Variants in ZNF81 observed in about 807,000 individuals in gnomAD.
ZNF81 encodes the protein zinc finger protein 81, also known as zinc finger protein 81 (HFZ20).
Under a neutral mutation model 32.3 loss-of-function variants are expected in ZNF81, and 5 were observed. That is an observed-to-expected ratio of 0.15 (90% CI 0.08 to 0.33). The LOEUF (loss-of-function observed/expected upper bound fraction) is 0.33. Among genes scored for constraint, ZNF81 ranks in the 10% least tolerant of loss-of-function variants. The pLI is 1.00. For synonymous variants in ZNF81, 163 were observed against 166.8 expected, an observed-to-expected ratio of 0.98 and a Z score of 0.17; for missense variants, 379 against 479.8, an observed-to-expected ratio of 0.79 and a Z score of 1.96.
In ZNF81 at chrX:47,915,516, T is replaced by C; in HGVS notation, c.870T>C (p.Phe290=). 1.7e-6 allele frequency: 2 copies of C among 1,211,772 alleles called. No homozygotes were observed. Among genetic ancestry groups the C allele is most frequent in the Non-Finnish European group, 2.2e-6 (2 of 895,535 alleles). ...GKIFTQRSHF[F]APQKIHTVEK... is the part of the protein sequence containing the mutation. ...TCTTCACCCAGAGGTCACATTTCTT[T>C]GCTCCTCAAAAAATTCATACTGTGG... The change falls in exon 5 of 5, where the codon TTT becomes TTC. Residue 290 remains phenylalanine, a synonymous_variant. Transcript: ENST00000338637.
intron 2 of ZNF81, among the ~76,000 whole-genome samples, chrX:47,887,509 A>G (rs1228539650): frequency 1.8e-5 from 2 of 112,026 alleles, no homozygotes; most frequent in Admixed American, 9.5e-5. Flanking sequence ...TAGATAGACC[A>G]TATGTTGAAA....
At chrX:47,888,777 A>G (rs1556886157) in intron 3 of ZNF81, among the ~76,000 whole-genome samples, 4 of 111,892 alleles carry the variant, frequency 3.6e-5, no homozygotes, top group African/African-American at 1.3e-4. Context: ...TATGCTTGAC[A>G]GAAAAAGCCT....
At chrX:47,914,020 T>A (rs939183827) in intron 4 of ZNF81, among the ~76,000 whole-genome samples, 2 of 111,444 alleles carry the variant, frequency 1.8e-5, no homozygotes, top group Non-Finnish European at 3.8e-5. Flanking sequence ...CATACCAGGA[T>A]TCAATATAAG....
chrX:47,915,528 A>C lies in ZNF81; in HGVS notation c.882A>C (p.Lys294Asn). 1 of 1,211,771 alleles carries C rather than the reference A, an allele frequency of 8.3e-7. No individual in the cohort carries two copies. The highest frequency in any genetic ancestry group is 1.1e-6 in the Non-Finnish European group (1 of 895,569). Residue 294 changes from lysine (K) to asparagine (N), a missense_variant, in exon 5 of 5, where the codon AAA becomes AAC. By Grantham distance (94) the Lys-to-Asn change is moderately conservative (BLOSUM62 0). This residue lies in a region of ZNF81 where 277 missense variants were observed against 306.6 expected (regional missense o/e 0.90). Coordinates refer to ENST00000338637, the MANE Select transcript of ZNF81 (RefSeq NM_007137.5). ...GGTCACATTTCTTTGCTCCTCAAAAAATTCATACTGTGGAAAAACCTCATG... is the reference window on the plus strand; with the variant it reads ...GGTCACATTTCTTTGCTCCTCAAAACATTCATACTGTGGAAAAACCTCATG... ...TQRSHFFAPQ[K>N]IHTVEKPHEL...
intron 3 of ZNF81, among the ~76,000 whole-genome samples, chrX:47,889,849 C>G (rs193019426): frequency 9.1e-6 from 1 of 109,910 alleles, no homozygotes; most frequent in African/African-American, 3.3e-5. Flanking sequence ...CCAGATCTCA[C>G]GAGAACTCAC....
rs781844479 is a variant in ZNF81, at chrX:47,921,933, G to A, written c.*5301G>A. The A allele has an allele frequency of 3.8e-4, 42 of 111,621 alleles. No homozygotes were observed. Among genetic ancestry groups the A allele is most frequent in the African/African-American group, 1.3e-3 (39 of 30,756 alleles). The allele number at this position is 111,621 out of a possible 1,213,427, so 9.2% of individuals were successfully genotyped here. ...CCATAGAAACTGCAAGACAATAAAT[G>A]TTGTTTTAAGTTGCTAAATTTTAGG... is the stretch of plus-strand genomic sequence containing the variant. On this transcript the variant is annotated 3_prime_UTR_variant, in exon 5 of 5. Transcript: ENST00000338637.
chrX:47,906,946 T>G lies in ZNF81; in HGVS notation c.278-7978T>G, dbSNP rs782604847. ...TTGAATATGGTTTGAAATATTTCAC[T>G]ACTGTGCTGAAAAAGATTGGTTGAT... On this transcript the variant is annotated intron_variant, in intron 4 of 4. Coordinates refer to ENST00000338637, the MANE Select transcript of ZNF81 (RefSeq NM_007137.5). Among the ~76,000 whole-genome samples the G allele has an allele frequency of 5.3e-5, 6 of 112,588 alleles. No individual in the cohort carries two copies. In the East Asian group the frequency reaches 1.4e-3, roughly 26 times the overall value.
At chrX:47,875,185 A>C (rs1473400343) in intron 2 of ZNF81, among the ~76,000 whole-genome samples, 3 of 112,008 alleles carry the variant, frequency 2.7e-5, no homozygotes, top group Non-Finnish European at 5.6e-5. Context: ...TGAAAGAGAA[A>C]GTACCTTTCA....
chrX:47,863,448 TA>T lies in ZNF81; in HGVS notation c.54+17129del, dbSNP rs782043147. Among the ~76,000 whole-genome samples, 556 of 112,324 alleles carry T rather than the reference TA, an allele frequency of 4.9e-3. 3 individuals carry two copies. Among genetic ancestry groups the T allele is most frequent in the African/African-American group, 0.017 (540 of 30,934 alleles). Reference sequence around the variant, plus strand: ...GTCGAGACTGGCTGCAGTGTGGCACTAAGACTCTGGGCAGGCTGTATCCCCA... The same window carrying T: ...GTCGAGACTGGCTGCAGTGTGGCACTAGACTCTGGGCAGGCTGTATCCCCA... On this transcript the variant is annotated intron_variant, in intron 2 of 4. Transcript: ENST00000338637.
chrX:47,888,710 G>A (rs782118923), intron 3 of ZNF81, among the ~76,000 whole-genome samples: 1 of 111,636 alleles, frequency 9.0e-6, no homozygotes, highest in East Asian at 2.8e-4. Context: ...TTAAAAATGT[G>A]AAGTGGCTTT....
At chrX:47,906,456 AATT>A (rs2058721244) in intron 4 of ZNF81, among the ~76,000 whole-genome samples, 1 of 102,158 alleles carries the variant, frequency 9.8e-6, no homozygotes, top group African/African-American at 3.5e-5. Context: ...TTGCAAATGA[AATT>A]ATGTCAAATT....
intron 2 of ZNF81, among the ~76,000 whole-genome samples, chrX:47,869,759 G>A (rs973493383): frequency 1.8e-5 from 2 of 110,606 alleles, no homozygotes; most frequent in Non-Finnish European, 3.8e-5. Flanking sequence ...GCAGTGGTGC[G>A]ATCTCAGCTC....
intron 2 of ZNF81, among the ~76,000 whole-genome samples, chrX:47,856,998 A>G (rs2058520051): frequency 8.9e-6 from 1 of 111,794 alleles, no homozygotes. Flanking sequence ...AAGGGACAGA[A>G]AATGATAGAC....
At chrX:47,862,854 T>G (rs1366437824) in intron 2 of ZNF81, among the ~76,000 whole-genome samples, 3 of 111,432 alleles carry the variant, frequency 2.7e-5, no homozygotes, top group Non-Finnish European at 5.7e-5. Flanking sequence ...GGAGGTGGGT[T>G]GTTGTTTTTG....
At chrX:47,878,360 C>T (rs1304267419) in intron 2 of ZNF81, among the ~76,000 whole-genome samples, 10 of 112,232 alleles carry the variant, frequency 8.9e-5, no homozygotes, top group Non-Finnish European at 1.7e-4. Context: ...TGAGATGGTG[C>T]GGCGCCATGC....
intron 2 of ZNF81, among the ~76,000 whole-genome samples, chrX:47,868,497 G>A (rs1298955227): frequency 9.0e-6 from 1 of 110,848 alleles, no homozygotes; most frequent in African/African-American, 3.3e-5. Flanking sequence ...AGACCTTCGT[G>A]GTGATTTTTG....
At position 47,866,795 on chromosome X, in the gene ZNF81, A is replaced by C. The variant is rs147533813; in HGVS notation, c.54+20474A>C. ...CTCTTAAGAAAAACATTCTTGGTAC[A>C]TGCATGCGTGTGTTCATGGCAGCAC... On this transcript the variant is annotated intron_variant, in intron 2 of 4. Transcript: ENST00000338637. Among the ~76,000 whole-genome samples, 1,517 of 111,402 alleles carry C rather than the reference A, an allele frequency of 0.014. 79 individuals carry two copies. In the East Asian group the frequency reaches 0.16, roughly 12 times the overall value.
At chrX:47,894,039 G>A (rs782243177) in intron 3 of ZNF81, among the ~76,000 whole-genome samples, 2 of 111,812 alleles carry the variant, frequency 1.8e-5, no homozygotes, top group Non-Finnish European at 3.8e-5. Flanking sequence ...TTAAAGCAGT[G>A]AAAATAGATT....
At chrX:47,869,909 T>C (rs2058573984) in intron 2 of ZNF81, among the ~76,000 whole-genome samples, 1 of 111,328 alleles carries the variant, frequency 9.0e-6, no homozygotes, top group African/African-American at 3.3e-5. Flanking sequence ...TTGTCCAGGC[T>C]GGTCTGAAAC....
Sources: allele counts gnomAD v4.1 joint callset (sites outside exome capture counted in the v4.1 genomes callset), GRCh38; gene constraint gnomAD v4.1.1; regional missense constraint gnomAD v4.1.1; transcripts MANE v1.5; gene names NCBI Gene and HGNC (gene_info 2026-07-23, HGNC 2026-07-21).